The following MACF1 variants were observed in gnomAD, a reference collection of about 807,000 sequenced individuals.
The protein encoded by MACF1 is microtubule actin crosslinking factor 1.
Under a neutral mutation model 854.8 loss-of-function variants are expected in MACF1, and 193 were observed. That is an observed-to-expected ratio of 0.23 (90% CI 0.20 to 0.25). The LOEUF (loss-of-function observed/expected upper bound fraction) is 0.25. Ranked by LOEUF, MACF1 falls within the 10% of genes least tolerant of loss-of-function variation. The pLI is 1.00. For missense variants in MACF1, 7,722 were observed against 8,929.1 expected (o/e 0.86, Z 5.45); for synonymous variants, 3,185 against 3,226.7 (o/e 0.99, Z 0.44).
chr1:39,233,777 T>TG, intron 2 of MACF1, among the ~76,000 whole-genome samples: 4 of 56,802 alleles, frequency 7.0e-5, no homozygotes, highest in South Asian at 7.8e-4. Context: ...AGCCATAGCT[T>TG]TTTTTTTTTT....
rs1447974514 is a variant in MACF1 at position 39,118,249 on chromosome 1, T to C, written c.220+33811T>C. Among the ~76,000 whole-genome samples, 16 of 152,358 alleles carry C rather than the reference T, an allele frequency of 1.1e-4. No homozygotes were observed. The East Asian group carries it at 3.1e-3, about 29-fold the overall frequency. ...CCACAGACAGAGCAGCAGCCAAAGCTAGCTGCAGCCTGAGCATGGGTCAGT... is the reference window on the plus strand; with the variant it reads ...CCACAGACAGAGCAGCAGCCAAAGCCAGCTGCAGCCTGAGCATGGGTCAGT... On this transcript the variant is annotated intron_variant, in intron 2 of 93. Coordinates refer to the MACF1 transcript ENST00000361689.
intron 6 of MACF1, among the ~76,000 whole-genome samples, chr1:39,270,341 G>A (rs1010912493): frequency 6.6e-6 from 1 of 152,212 alleles, no homozygotes; most frequent in Non-Finnish European, 1.5e-5. Flanking sequence ...AGTTGAGAGA[G>A]AGAGAGGGAG....
chr1:39,265,488 A>G (rs530689950), intron 6 of MACF1, among the ~76,000 whole-genome samples: 1 of 152,324 alleles, frequency 6.6e-6, no homozygotes, highest in African/African-American at 2.4e-5. Context: ...TTGAAAATAC[A>G]TCTGATATAC....
At chr1:39,130,402 C>A (rs892724095) in intron 2 of MACF1, among the ~76,000 whole-genome samples, 3 of 152,148 alleles carry the variant, frequency 2.0e-5, no homozygotes, top group Non-Finnish European at 4.4e-5. Context: ...CTGAGACTGC[C>A]TTGGTGGGGA....
chr1:39,334,739 G>C lies in MACF1; in HGVS notation c.8151G>C (p.Met2717Ile), dbSNP rs1297255357. The C allele has an allele frequency of 1.2e-6, 2 of 1,613,954 alleles. No homozygotes were observed. The highest frequency in any genetic ancestry group is 1.7e-6 in the Non-Finnish European group (2 of 1,180,016). Reference protein sequence around the residue: ...ALEEKLVDENMVRIIASHQVL... With the variant: ...ALEEKLVDENIVRIIASHQVL... ...AAGAGAAACTGGTGGATGAAAACATGGTCAGAATTATTGCATCTCATCAGG... is the reference window on the plus strand; with the variant it reads ...AAGAGAAACTGGTGGATGAAAACATCGTCAGAATTATTGCATCTCATCAGG... The change falls in exon 37 of 101, where the codon ATG becomes ATC. Residue 2717 changes from methionine (M) to isoleucine (I), a missense_variant. Around this residue, in one of 15 missense-constraint regions of MACF1, gnomAD observed 1,531 missense variants for 1,601.6 expected, o/e 0.96. Coordinates refer to ENST00000564288, the MANE Select transcript of MACF1 (RefSeq NM_001394062.1).
chr1:39,296,807 A>AGAGAAAGGAAGG (rs1645921034), intron 20 of MACF1, among the ~76,000 whole-genome samples: 1 of 119,564 alleles, frequency 8.4e-6, no homozygotes, highest in African/African-American at 4.6e-5. Context: ...GAAGGAAAAG[A>AGAGAAAGGAAGG]AAGAAAGGAA....
In MACF1 at chr1:39,331,867, AG is replaced by A; in HGVS notation, c.5281del (p.Val1761SerfsTer15). ...GTTCAGGAAGGGCTAATAGATAGGC[AG>A]GTCACTGTCCGGTTGCTGGAAGCTC... ...RAVQEGLIDR[Q>X]VTVRLLEAQL... is the part of the protein sequence containing the mutation. On this transcript the variant is annotated frameshift_variant, in exon 37 of 101. Coordinates refer to ENST00000564288, the MANE Select transcript of MACF1 (RefSeq NM_001394062.1). LOFTEE classifies it high-confidence loss of function. 6.2e-7 allele frequency: 1 copy of A among 1,614,184 alleles called. No homozygotes were observed. The highest frequency in any genetic ancestry group is 8.5e-7 in the Non-Finnish European group (1 of 1,180,030).
intron 35 of MACF1, among the ~76,000 whole-genome samples, chr1:39,326,494 A>G (rs1246743239): frequency 6.6e-6 from 1 of 152,144 alleles, no homozygotes; most frequent in Non-Finnish European, 1.5e-5. Context: ...CAGCCTGGCC[A>G]GCATGGTGAA....
At chr1:39,329,140 T>C (rs755696443) in intron 36 of MACF1, among the ~76,000 whole-genome samples, 1 of 152,254 alleles carries the variant, frequency 6.6e-6, no homozygotes, top group Non-Finnish European at 1.5e-5. Context: ...TATATATGTT[T>C]AAATTATATG....
chr1:39,271,725 G>A (rs1301662513), intron 6 of MACF1, among the ~76,000 whole-genome samples: 1 of 152,184 alleles, frequency 6.6e-6, no homozygotes, highest in African/African-American at 2.4e-5. Context: ...ACACATGCTT[G>A]TAACTGAGTG....
chr1:39,466,508 C>G (rs1644670503), intron 95 of MACF1, among the ~76,000 whole-genome samples: 1 of 152,216 alleles, frequency 6.6e-6, no homozygotes, highest in African/African-American at 2.4e-5. Flanking sequence ...ATAAAGTACT[C>G]TTGTGGTTCC....
rs368541562 is a variant in MACF1 at position 39,482,246 on chromosome 1, T to C, written c.22281+1216T>C. ...TCTAGCTGTGGTCTTCCAGCAGCAG[T>C]GCGCAGGAACCTTAGCTTCTGAAAC... On this transcript the variant is annotated intron_variant, in intron 99 of 100. Coordinates refer to ENST00000564288, the MANE Select transcript of MACF1 (RefSeq NM_001394062.1). Among the ~76,000 whole-genome samples, 25 of 152,354 alleles carry C rather than the reference T, an allele frequency of 1.6e-4. 1 individual carries two copies. Among genetic ancestry groups the C allele is most frequent in the African/African-American group, 6.0e-4 (25 of 41,584 alleles).
At chr1:39,438,836 A>C (rs577123372) in intron 71 of MACF1, among the ~76,000 whole-genome samples, 5 of 151,748 alleles carry the variant, frequency 3.3e-5, no homozygotes, top group African/African-American at 1.2e-4. Flanking sequence ...TAATCCAAGC[A>C]CTTTGGGAGG....
At chr1:39,181,050 C>T (rs1461277968) in intron 2 of MACF1, among the ~76,000 whole-genome samples, 3 of 152,140 alleles carry the variant, frequency 2.0e-5, no homozygotes, top group African/African-American at 4.8e-5. Context: ...GGACTACAGG[C>T]GCGTGCTACC....
In MACF1 at chr1:39,283,005, T is replaced by G; in HGVS notation, c.696-184T>G. The stretch of plus-strand genomic sequence containing the variant: ...TAAACTGTATGTTTAAGTTTAGCAT[T>G]AGGGAGCACTGGGCCCCTGGTGTAT... On this transcript the variant is annotated intron_variant, in intron 7 of 100. Coordinates refer to ENST00000564288, the MANE Select transcript of MACF1 (RefSeq NM_001394062.1). The surrounding 1 kb of genome is among the most constrained non-coding windows in gnomAD (Gnocchi z 4.5). 1.8e-6 allele frequency: 1 copy of G among 556,162 alleles called. No homozygotes were observed. The highest frequency in any genetic ancestry group is 3.2e-6 in the Non-Finnish European group (1 of 314,460). 34.5% of individuals were successfully genotyped at this position (556,162 alleles called of 1,614,324 possible).
chr1:39,440,880 A>G (rs1192876932), intron 72 of MACF1, 123 bp from the exon 73 acceptor site: 18 of 875,516 alleles, frequency 2.1e-5, no homozygotes, highest in Non-Finnish European at 2.9e-5. Context: ...TAGTGTCCAG[A>G]TAAGTGAAAC....
intron 2 of MACF1, 66 bp from the exon 3 acceptor site, chr1:39,249,948 T>C: frequency 1.2e-6 from 1 of 818,058 alleles, no homozygotes. Context: ...AACCAGAGAT[T>C]TTTATGTGGA....
chr1:39,148,590 T>G (rs189925772), intron 2 of MACF1, among the ~76,000 whole-genome samples: 1 of 152,238 alleles, frequency 6.6e-6, no homozygotes, highest in Non-Finnish European at 1.5e-5. Flanking sequence ...ACTTAGTGTA[T>G]GTTGAAAGTC....
In MACF1 at chr1:39,422,546, A is replaced by G. The variant is rs778716376; in HGVS notation, c.15978+11A>G. 9 of 1,602,508 alleles carry G rather than the reference A, an allele frequency of 5.6e-6. No individual in the cohort carries two copies. In the South Asian group the frequency reaches 7.8e-5, roughly 14 times the overall value. On this transcript the variant is annotated intron_variant, in intron 59 of 100. Transcript: ENST00000564288. ...ACATTGAATAAAAAGGTGAGTGACA[A>G]TGGGGTAGCAAGTGTACTGGAAACG...
Sources: allele counts gnomAD v4.1 joint callset (sites outside exome capture counted in the v4.1 genomes callset), GRCh38; gene constraint gnomAD v4.1.1; regional missense constraint gnomAD v4.1.1; non-coding constraint Gnocchi (gnomAD v3.1); transcripts MANE v1.5; gene names NCBI Gene and HGNC (gene_info 2026-07-23, HGNC 2026-07-21).